Variants in ZNF442 observed in about 807,000 individuals in gnomAD.
The protein encoded by ZNF442 is zinc finger protein 442.
A neutral mutation model predicts 57.0 loss-of-function variants in ZNF442; 45 were observed. The observed-to-expected ratio is 0.79, with a 90% confidence interval of 0.62 to 1.01. The LOEUF (loss-of-function observed/expected upper bound fraction) is 1.01, where lower values mean the gene tolerates loss of function less well. Among genes scored for constraint, ZNF442 ranks in the 50% least tolerant of loss-of-function variants. The pLI is 0.00. For missense variants in ZNF442, 690 were observed against 756.5 expected (o/e 0.91, Z 1.03); for synonymous variants, 213 against 241.8 (o/e 0.88, Z 1.10).
rs764545869 is a variant in ZNF442 at position 12,365,656 on chromosome 19, G to T, written c.-606C>A. 3 of 231,030 alleles carry T rather than the reference G, an allele frequency of 1.3e-5. No individual in the cohort carries two copies. The highest frequency in any genetic ancestry group is 2.6e-5 in the Non-Finnish European group (3 of 113,692). The allele number at this position is 231,030 out of a possible 1,614,324, so 14.3% of individuals were successfully genotyped here. A position where few individuals can be genotyped will look rare whatever the true frequency, so the allele number is the denominator to read the frequency against. ...TTCTCTCAGCTACAGAGCCAGGAGC[G>T]GGAGCTCAGAGGGGTGTAGAAAGCT... On this transcript the variant is annotated 5_prime_UTR_variant, in exon 1 of 6. Transcript: ENST00000242804.
intron 1 of ZNF442, 82 bp from the exon 2 acceptor site, chr19:12,365,325 G>T (rs940320529): frequency 2.4e-5 from 5 of 212,190 alleles, no homozygotes; most frequent in Non-Finnish European, 3.8e-5. Context: ...CGCAGAAACG[G>T]GACAGGACGC....
chr19:12,364,434 A>G (rs995123390), intron 2 of ZNF442, among the ~76,000 whole-genome samples: 38 of 151,816 alleles, frequency 2.5e-4, no homozygotes, highest in African/African-American at 8.0e-4. Context: ...AAGAAAGAAA[A>G]AAAGAAGCCA....
chr19:12,372,889 T>G, the ZNF442 span, among the ~76,000 whole-genome samples: 1 of 152,296 alleles, frequency 6.6e-6, no homozygotes, highest in African/African-American at 2.4e-5. Flanking sequence ...TTCTTCTGCC[T>G]CAGCCTCCTG....
At chr19:12,368,779 TC>T (rs546805447), upstream of ZNF442, among the ~76,000 whole-genome samples, 925 of 152,266 alleles carry the variant, frequency 6.1e-3, 14 homozygotes, top group African/African-American at 0.021. Flanking sequence ...TTATCACAAC[TC>T]ATTATTATTT....
chr19:12,351,332 G>C lies in ZNF442; in HGVS notation c.267-14C>G, dbSNP rs1829872957. 1 of 1,594,104 alleles carries C rather than the reference G, an allele frequency of 6.3e-7. No homozygotes were observed. Among genetic ancestry groups the C allele is most frequent in the Middle Eastern group, 1.7e-4 (1 of 5,956 alleles). On this transcript the variant is annotated splice_polypyrimidine_tract_variant and intron_variant, in intron 5 of 5. Transcript: ENST00000242804. The stretch of plus-strand genomic sequence containing the variant: ...ATGATATGACATCTGTAAAACATGA[G>C]AAGTATATTAATAAAGGTTTATTTA...
At position 12,365,366 on chromosome 19, in the gene ZNF442, G is replaced by C. The variant is rs111888579; in HGVS notation, c.-482-123C>G. On this transcript the variant is annotated intron_variant, in intron 1 of 5. Coordinates refer to ENST00000242804, the MANE Select transcript of ZNF442 (RefSeq NM_030824.3). ...GTCCCGGCTGCCGGCCCAGCCCCCA[G>C]CTCCCACCCCGCGGCCGAGGGGACT... 4,101 of 225,710 alleles carry C rather than the reference G, an allele frequency of 0.018. 177 individuals carry two copies. The highest frequency in any genetic ancestry group is 0.09 in the African/African-American group (3,864 of 42,864). 14.0% of individuals were successfully genotyped at this position (225,710 alleles called of 1,614,324 possible).
At chr19:12,357,786 T>C (rs1486579638) in intron 3 of ZNF442, among the ~76,000 whole-genome samples, 1 of 152,120 alleles carries the variant, frequency 6.6e-6, no homozygotes, top group Non-Finnish European at 1.5e-5. Flanking sequence ...TAGTGCATTG[T>C]GGTGAATGAA....
chr19:12,349,449 T>A lies in ZNF442; in HGVS notation c.*252A>T. The A allele has an allele frequency of 3.1e-6, 1 of 319,200 alleles. No individual in the cohort carries two copies. Among genetic ancestry groups the A allele is most frequent in the Admixed American group, 4.4e-5 (1 of 22,584 alleles). The allele number at this position is 319,200 out of a possible 1,614,324, so 19.8% of individuals were successfully genotyped here. On this transcript the variant is annotated 3_prime_UTR_variant, in exon 6 of 6. Coordinates refer to ENST00000242804, the MANE Select transcript of ZNF442 (RefSeq NM_030824.3). ...GGTGAAAAATTAAGTAATCTAGGCA[T>A]GATTTATGGGATGCAGGAGGATGTG... is the stretch of plus-strand genomic sequence containing the variant.
At chr19:12,352,744 C>T (rs1310718626) in intron 4 of ZNF442, among the ~76,000 whole-genome samples, 2 of 152,138 alleles carry the variant, frequency 1.3e-5, no homozygotes, top group African/African-American at 4.8e-5. Flanking sequence ...ATGTGACAGA[C>T]AACATATGTG....
Position 12,350,112 on chromosome 19 carries a change from C to G in ZNF442, c.1473G>C (p.Lys491Asn). ...AACAACTGAATGCTTTCCCACATTC[C>G]TTACACTCATATGGCTTCTCTCCAG... is the stretch of plus-strand genomic sequence containing the variant. ...THTGEKPYEC[K>N]ECGKAFSCFT... Residue 491 changes from lysine to asparagine, a missense_variant, in exon 6 of 6, where the codon AAG becomes AAC. By Grantham distance (94) the Lys-to-Asn change is moderately conservative. Transcript: ENST00000242804. 6.2e-7 allele frequency: 1 copy of G among 1,614,004 alleles called. No individual in the cohort carries two copies. The highest frequency in any genetic ancestry group is 8.5e-7 in the Non-Finnish European group (1 of 1,179,964).
chr19:12,350,963 G>A lies in ZNF442; in HGVS notation c.622C>T (p.Pro208Ser). The change falls in exon 6 of 6, where the codon CCT (proline) becomes TCT (serine). Residue 208 changes from proline (P) to serine (S), a missense_variant. Coordinates refer to ENST00000242804, the MANE Select transcript of ZNF442 (RefSeq NM_030824.3). Reference sequence around the variant, plus strand: ...TTCCCACACAACTTACATATATAAGGTCCACCTCCACGTTGTACTATTATG... The same window carrying A: ...TTCCCACACAACTTACATATATAAGATCCACCTCCACGTTGTACTATTATG... Reference protein sequence around the residue: ...RHIIVQRGGGPYICKLCGKAF... With the variant: ...RHIIVQRGGGSYICKLCGKAF... The A allele has an allele frequency of 6.2e-7, 1 of 1,614,154 alleles. No homozygotes were observed. Among genetic ancestry groups the A allele is most frequent in the South Asian group, 1.1e-5 (1 of 91,084 alleles).
chr19:12,348,879 T>C lies in ZNF442; in HGVS notation c.*822A>G, dbSNP rs547444692. On this transcript the variant is annotated 3_prime_UTR_variant, in exon 6 of 6. Transcript: ENST00000242804. ...CAGGTCATTAAATAAAAGCAATCTA[T>C]GATTGTTGAAAAAAAAGAAACTGTA... The C allele has an allele frequency of 6.6e-6, 1 of 151,626 alleles. No individual in the cohort carries two copies. Among genetic ancestry groups the C allele is most frequent in the South Asian group, 2.1e-4 (1 of 4,798 alleles). 9.4% of individuals were successfully genotyped at this position (151,626 alleles called of 1,614,324 possible). A position where few individuals can be genotyped will look rare whatever the true frequency, so the allele number is the denominator to read the frequency against.
In ZNF442 at chr19:12,349,812, T is replaced by C. The variant is rs777506333; in HGVS notation, c.1773A>G (p.Glu591=). The change falls in exon 6 of 6, where the codon GAA becomes GAG. Residue 591 remains glutamate (E), a synonymous_variant. Coordinates refer to ENST00000242804, the MANE Select transcript of ZNF442 (RefSeq NM_030824.3). Reference sequence around the variant, plus strand: ...GCATCTTCTCTCCAGTGTGAGTTTTTTCATGTCCTCGAAGGAAACGAGAAC... The same window carrying C: ...GCATCTTCTCTCCAGTGTGAGTTTTCTCATGTCCTCGAAGGAAACGAGAAC... ...FTRSRFLRGH[E]KTHTGEKMHE... is the part of the protein sequence containing the mutation. The C allele has an allele frequency of 1.9e-6, 3 of 1,614,190 alleles. No individual in the cohort carries two copies. The highest frequency in any genetic ancestry group is 2.5e-6 in the Non-Finnish European group (3 of 1,180,022).
At chr19:12,355,785 T>C (rs112436726) in intron 3 of ZNF442, among the ~76,000 whole-genome samples, 5 of 151,750 alleles carry the variant, frequency 3.3e-5, no homozygotes, top group African/African-American at 1.2e-4. Context: ...CTGGGCAACA[T>C]GGTGAAACCT....
chr19:12,372,214 T>C, the ZNF442 span, among the ~76,000 whole-genome samples: 1 of 152,264 alleles, frequency 6.6e-6, no homozygotes, highest in African/African-American at 2.4e-5. Context: ...CCCAGCACTT[T>C]GGGAGGCCAA....
intron 3 of ZNF442, among the ~76,000 whole-genome samples, chr19:12,353,391 C>G (rs1266316480): frequency 1.3e-5 from 2 of 152,154 alleles, no homozygotes; most frequent in African/African-American, 4.8e-5. Flanking sequence ...CTAATGTCTA[C>G]TTTATAGTGG....
upstream of ZNF442, among the ~76,000 whole-genome samples, chr19:12,366,515 C>T (rs551368445): frequency 4.6e-5 from 7 of 152,218 alleles, no homozygotes; most frequent in African/African-American, 1.2e-4. Context: ...ATAATAACTT[C>T]GAGATAAACT....
chr19:12,355,301 A>AC (rs1354798013), intron 3 of ZNF442, among the ~76,000 whole-genome samples: 1 of 151,280 alleles, frequency 6.6e-6, no homozygotes, highest in East Asian at 2.0e-4. Context: ...AAAAAAAAAA[A>AC]AAAAAGAAAG....
At chr19:12,368,857 G>A (rs898513266), upstream of ZNF442, among the ~76,000 whole-genome samples, 2 of 152,142 alleles carry the variant, frequency 1.3e-5, no homozygotes, top group Non-Finnish European at 2.9e-5. Flanking sequence ...TCAGCACCTG[G>A]TGATGGGGCA....
Sources: gnomAD v4.1 joint callset for allele counts (sites outside exome capture counted in the v4.1 genomes callset) on GRCh38, gnomAD v4.1.1 for gene constraint, MANE v1.5 for transcripts, NCBI Gene and HGNC (gene_info 2026-07-23, HGNC 2026-07-21) for gene names.